The following PCDHA10 variants were observed in gnomAD, a reference collection of about 807,000 sequenced individuals.
PCDHA10 encodes protocadherin alpha 10.
Under a neutral mutation model 61.2 loss-of-function variants are expected in PCDHA10, and 45 were observed. The observed-to-expected ratio is 0.74, with a 90% confidence interval of 0.58 to 0.94. The LOEUF is 0.94. Among genes scored for constraint, PCDHA10 ranks in the 40% least tolerant of loss-of-function variants. PCDHA10 has a pLI of 0.00. For missense variants in PCDHA10, 1,278 were observed against 1,236.2 expected (o/e 1.03, Z -0.51); for synonymous variants, 602 against 548.8 (o/e 1.10, Z -1.35).
At chr5:140,883,626 C>T (rs782798960) in intron 1 of PCDHA10, 3 of 1,613,850 alleles carry the variant, frequency 1.9e-6, no homozygotes, top group Non-Finnish European at 2.5e-6. Flanking sequence ...GACAACGCGC[C>T]GGCGTTCGCG....
rs371868883 is a variant in PCDHA10 at position 140,856,649 on chromosome 5, C to A, written c.601C>A (p.Arg201Ser). ...GCTTGTTCTGCGGAAGCTGCTGGAT[C>A]GTGAAGAAAATCCTCAGCTAAAGTT... ...PVLVLRKLLD[R>S]EENPQLKLLL... Residue 201 changes from arginine to serine, a missense_variant, in exon 1 of 4, where the codon CGT (arginine) becomes AGT (serine). Transcript: ENST00000307360. 8 of 1,598,072 alleles carry A rather than the reference C, an allele frequency of 5.0e-6. 2 individuals carry two copies. The African/African-American group carries it at 6.7e-5, about 13-fold the overall frequency.
At chr5:140,948,793 A>AT (rs1351130459) in intron 1 of PCDHA10, among the ~76,000 whole-genome samples, 1 of 150,328 alleles carries the variant, frequency 6.7e-6, no homozygotes, top group Non-Finnish European at 1.5e-5. Flanking sequence ...TTGTTGATAT[A>AT]TTTTCTATTG....
chr5:140,968,293 G>A, intron 1 of PCDHA10: 1 of 1,613,962 alleles, frequency 6.2e-7, no homozygotes, highest in South Asian at 1.1e-5. Flanking sequence ...ACTCCCTTCT[G>A]GAGAGGGAGA....
intron 1 of PCDHA10, chr5:140,927,599 C>T (rs1250728851): frequency 6.2e-7 from 1 of 1,614,070 alleles, no homozygotes; most frequent in African/African-American, 1.3e-5. Context: ...TTTGAGCGCT[C>T]CGTATACCGC....
At chr5:140,874,459 G>A (rs569536068) in intron 1 of PCDHA10, among the ~76,000 whole-genome samples, 3 of 152,196 alleles carry the variant, frequency 2.0e-5, no homozygotes, top group African/African-American at 7.2e-5. Flanking sequence ...GACCTGTAGG[G>A]GAAGATTTAG....
intron 1 of PCDHA10, chr5:140,928,782 T>C (rs2085522837): frequency 6.2e-7 from 1 of 1,614,030 alleles, no homozygotes; most frequent in East Asian, 2.2e-5. Context: ...CTGATGCAGT[T>C]AAGCAGAGGG....
At chr5:140,933,490 A>G (rs1554209400) in intron 1 of PCDHA10, among the ~76,000 whole-genome samples, 1 of 152,104 alleles carries the variant, frequency 6.6e-6, no homozygotes, top group African/African-American at 2.4e-5. Flanking sequence ...GTTATTCTTT[A>G]GAATTGTTAA....
chr5:140,888,271 T>A (rs1466153758), intron 1 of PCDHA10, among the ~76,000 whole-genome samples: 2 of 152,068 alleles, frequency 1.3e-5, no homozygotes, highest in African/African-American at 4.8e-5. Context: ...TAAGAAACAG[T>A]TTTGTCCCCT....
intron 1 of PCDHA10, among the ~76,000 whole-genome samples, chr5:140,962,908 C>G (rs2095718284): frequency 1.3e-5 from 2 of 152,146 alleles, no homozygotes. Context: ...AGCTCCTTCC[C>G]TATTTGACAG....
At chr5:140,862,364 C>T in intron 1 of PCDHA10, 1 of 339,652 alleles carries the variant, frequency 2.9e-6, no homozygotes, top group Non-Finnish European at 5.8e-6. Flanking sequence ...ACAGACGACC[C>T]GCACCCTGAC....
chr5:140,987,407 T>C (rs1301920693), intron 3 of PCDHA10, among the ~76,000 whole-genome samples: 3 of 152,148 alleles, frequency 2.0e-5, no homozygotes, highest in Non-Finnish European at 4.4e-5. Flanking sequence ...CATCTGTTTA[T>C]GGTTCTTGTG....
At position 141,011,042 on chromosome 5, in the gene PCDHA10, T is replaced by G. The variant is rs915588789; in HGVS notation, c.*1105T>G. 6.5e-6 allele frequency: 1 copy of G among 153,796 alleles called. No individual in the cohort carries two copies. The highest frequency in any genetic ancestry group is 2.4e-5 in the African/African-American group (1 of 41,464). The allele number at this position is 153,796 out of a possible 1,614,324, so 9.5% of individuals were successfully genotyped here. A position where few individuals can be genotyped will look rare whatever the true frequency, so the allele number is the denominator to read the frequency against. On this transcript the variant is annotated 3_prime_UTR_variant, in exon 4 of 4. Transcript: ENST00000307360. ...TCACAGCTTTACTCTTTCAGGTCACTCTGGGGCTGCCTCTTGCATGTATTA... is the reference window on the plus strand; with the variant it reads ...TCACAGCTTTACTCTTTCAGGTCACGCTGGGGCTGCCTCTTGCATGTATTA...
In PCDHA10 at chr5:140,971,294, T is replaced by C. The variant is rs3776113; in HGVS notation, c.2389-7655T>C. Reference sequence around the variant, plus strand: ...CTGACCTGTATATTAATATGTACTTTGGTACACAAACATTTAATCTAGGGA... The same window carrying C: ...CTGACCTGTATATTAATATGTACTTCGGTACACAAACATTTAATCTAGGGA... On this transcript the variant is annotated intron_variant, in intron 1 of 3. Transcript: ENST00000307360. Among the ~76,000 whole-genome samples the C allele has an allele frequency of 6.4e-4, 97 of 152,362 alleles. No individual in the cohort carries two copies. In the East Asian group the frequency reaches 0.018, roughly 28 times the overall value.
intron 1 of PCDHA10, among the ~76,000 whole-genome samples, chr5:140,970,875 AT>A (rs1213440334): frequency 6.6e-6 from 1 of 152,100 alleles, no homozygotes; most frequent in African/African-American, 2.4e-5. Flanking sequence ...TTGAGAGTAG[AT>A]TTTTCTCATG....
chr5:140,934,305 A>T, intron 1 of PCDHA10, among the ~76,000 whole-genome samples: 1 of 152,150 alleles, frequency 6.6e-6, no homozygotes, highest in African/African-American at 2.4e-5. Flanking sequence ...TATTTTTCTT[A>T]CTGCAAATGT....
chr5:140,921,440 G>C (rs1026829665), intron 1 of PCDHA10, among the ~76,000 whole-genome samples: 1 of 152,056 alleles, frequency 6.6e-6, no homozygotes, highest in South Asian at 2.1e-4. Flanking sequence ...CTTCAATGGT[G>C]TCTGAAAAGG....
chr5:140,946,936 A>T (rs1344601116), intron 1 of PCDHA10, among the ~76,000 whole-genome samples: 1 of 151,482 alleles, frequency 6.6e-6, no homozygotes, highest in Non-Finnish European at 1.5e-5. Context: ...AGTAGAGTGT[A>T]GTTAAGAATA....
intron 1 of PCDHA10, chr5:140,884,399 T>C (rs1554181524): frequency 6.2e-6 from 10 of 1,613,990 alleles, no homozygotes; most frequent in African/African-American, 4.0e-5. Flanking sequence ...GTCCAGCCTG[T>C]TGGTGCTCAC....
chr5:140,883,142 G>A (rs150205860), intron 1 of PCDHA10: 1 of 1,614,004 alleles, frequency 6.2e-7, no homozygotes, highest in South Asian at 1.1e-5. Flanking sequence ...AGTGGTATAT[G>A]CATTTACCAT....
Sources: allele counts gnomAD v4.1 joint callset (sites outside exome capture counted in the v4.1 genomes callset), GRCh38; gene constraint gnomAD v4.1.1; transcripts MANE v1.5; gene names NCBI Gene and HGNC (gene_info 2026-07-23, HGNC 2026-07-21).